ESRRG: variants seen among roughly 807,000 people sequenced by gnomAD.
The protein encoded by ESRRG is estrogen related receptor gamma.
In ESRRG, 13 loss-of-function variants were observed where a neutral mutation model predicts 44.0. The ratio of observed to expected loss-of-function variants is 0.30; its 90% confidence interval spans 0.19 to 0.47. ESRRG has a LOEUF of 0.47. Among genes scored for constraint, ESRRG ranks in the 20% least tolerant of loss-of-function variants. The pLI, the probability that ESRRG is intolerant of heterozygous loss-of-function variation, is 1.00. For missense variants in ESRRG, 395 were observed against 580.6 expected (o/e 0.68, Z 3.29); for synonymous variants, 215 against 214.6 (o/e 1.00, Z -0.02).
At chr1:217,066,278 G>A (rs1458954106) in intron 1 of ESRRG, among the ~76,000 whole-genome samples, 5 of 127,192 alleles carry the variant, frequency 3.9e-5, no homozygotes, top group Admixed American at 8.8e-5. Flanking sequence ...TTTTTGAGAC[G>A]GAGTCTCGCT....
upstream of ESRRG, among the ~76,000 whole-genome samples, chr1:217,090,719 G>A (rs1429384602): frequency 6.6e-6 from 1 of 152,170 alleles, no homozygotes; most frequent in Non-Finnish European, 1.5e-5. Flanking sequence ...TAAAATTTGG[G>A]GGGCTCCGGG....
At chr1:216,903,500 G>A (rs536399405) in intron 2 of ESRRG, among the ~76,000 whole-genome samples, 2 of 151,604 alleles carry the variant, frequency 1.3e-5, no homozygotes, top group Non-Finnish European at 2.9e-5. Context: ...CGAGATTACA[G>A]GTCTGAGGTG....
chr1:216,982,767 C>A (rs2074174219), intron 1 of ESRRG, among the ~76,000 whole-genome samples: 2 of 152,132 alleles, frequency 1.3e-5, no homozygotes, highest in African/African-American at 2.4e-5. Context: ...CAAAGAGGTT[C>A]TTTTGGTGAT....
At chr1:216,830,127 T>C (rs1162705908) in intron 2 of ESRRG, among the ~76,000 whole-genome samples, 2 of 152,132 alleles carry the variant, frequency 1.3e-5, no homozygotes, top group Non-Finnish European at 2.9e-5. Flanking sequence ...CAAGGTGCCA[T>C]TAGGGCCAGG....
intron 2 of ESRRG, among the ~76,000 whole-genome samples, chr1:216,924,457 C>T (rs1336774589): frequency 6.6e-6 from 1 of 152,058 alleles, no homozygotes; most frequent in Non-Finnish European, 1.5e-5. Context: ...CAGTGTCCAG[C>T]AGCCCCTTCA....
chr1:216,985,271 C>A (rs1012994325), intron 1 of ESRRG, among the ~76,000 whole-genome samples: 4 of 152,146 alleles, frequency 2.6e-5, no homozygotes, highest in African/African-American at 7.2e-5. Context: ...CAGGAAAGAA[C>A]CTCTGGTAAA....
chr1:217,058,635 A>C (rs373380640), intron 1 of ESRRG, among the ~76,000 whole-genome samples: 94 of 152,266 alleles, frequency 6.2e-4, no homozygotes, highest in African/African-American at 2.2e-3. Flanking sequence ...TAATGTTTTC[A>C]ATAACCACAT....
chr1:216,716,694 GTTC>G (rs1332651943), intron 1 of ESRRG, among the ~76,000 whole-genome samples: 1 of 151,834 alleles, frequency 6.6e-6, no homozygotes, highest in African/African-American at 2.4e-5. Context: ...GTACTTTTCA[GTTC>G]TTCTTTTAGA....
intron 1 of ESRRG, among the ~76,000 whole-genome samples, chr1:216,697,613 A>G (rs982953266): frequency 3.3e-5 from 5 of 152,216 alleles, no homozygotes; most frequent in African/African-American, 1.2e-4. Context: ...GTCTTTTTCC[A>G]AAGGAAAATG....
At chr1:216,748,267 A>G (rs1351294545) in intron 2 of ESRRG, among the ~76,000 whole-genome samples, 1 of 152,290 alleles carries the variant, frequency 6.6e-6, no homozygotes, top group East Asian at 1.9e-4. Flanking sequence ...GGAAATGGAC[A>G]TTTTGTGGCA....
intron 2 of ESRRG, among the ~76,000 whole-genome samples, chr1:216,835,728 C>G (rs1240985950): frequency 6.6e-6 from 1 of 152,110 alleles, no homozygotes; most frequent in Non-Finnish European, 1.5e-5. Flanking sequence ...AAGTGGGTGA[C>G]GACTTCCAGT....
At chr1:216,858,850 G>C (rs1036119869) in intron 2 of ESRRG, among the ~76,000 whole-genome samples, 3 of 152,180 alleles carry the variant, frequency 2.0e-5, no homozygotes, top group Admixed American at 6.5e-5. Flanking sequence ...AAAGAGAGCA[G>C]TTCTGTGAAG....
At chr1:216,566,108 G>A (rs2059642231) in intron 4 of ESRRG, among the ~76,000 whole-genome samples, 1 of 151,826 alleles carries the variant, frequency 6.6e-6, no homozygotes, top group Admixed American at 6.6e-5. Context: ...TGGAATAGCC[G>A]GCAGCACTGT....
chr1:216,524,966 C>G (rs781186828), intron 5 of ESRRG, among the ~76,000 whole-genome samples: 1 of 152,180 alleles, frequency 6.6e-6, no homozygotes, highest in Non-Finnish European at 1.5e-5. Context: ...TGACCACTGA[C>G]TACTCATGCT....
intron 1 of ESRRG, among the ~76,000 whole-genome samples, chr1:217,023,818 C>T (rs1038745391): frequency 6.6e-6 from 1 of 152,142 alleles, no homozygotes; most frequent in African/African-American, 2.4e-5. Context: ...ATCAGAACCT[C>T]TGTCAAACAT....
At chr1:217,037,255 A>T (rs555185593) in intron 1 of ESRRG, among the ~76,000 whole-genome samples, 249 of 152,280 alleles carry the variant, frequency 1.6e-3, no homozygotes, top group African/African-American at 5.7e-3. Flanking sequence ...TCACTGTATT[A>T]GTCTGTTTTT....
At chr1:216,869,858 A>G (rs2096235111) in intron 2 of ESRRG, among the ~76,000 whole-genome samples, 1 of 151,974 alleles carries the variant, frequency 6.6e-6, no homozygotes, top group Non-Finnish European at 1.5e-5. Flanking sequence ...GTACATTGCT[A>G]GTATATAGAA....
At chr1:217,075,328 C>T in intron 1 of ESRRG, among the ~76,000 whole-genome samples, 1 of 152,316 alleles carries the variant, frequency 6.6e-6, no homozygotes, top group Admixed American at 6.5e-5. Context: ...CCTCACTCTA[C>T]AGATGAGAAT....
At chr1:216,731,193 C>T (rs1193277383) in intron 2 of ESRRG, among the ~76,000 whole-genome samples, 2 of 152,124 alleles carry the variant, frequency 1.3e-5, no homozygotes, top group Admixed American at 1.3e-4. Flanking sequence ...ATAAAAATTT[C>T]TGTATTAAGG....
Sources: allele counts gnomAD v4.1 joint callset (sites outside exome capture counted in the v4.1 genomes callset), GRCh38; gene constraint gnomAD v4.1.1; transcripts MANE v1.5; gene names NCBI Gene and HGNC (gene_info 2026-07-23, HGNC 2026-07-21).